The following AGBL1 variants were observed in gnomAD, a reference collection of about 807,000 sequenced individuals.
AGBL1 encodes cytosolic carboxypeptidase 4.
Under a neutral mutation model 118.9 loss-of-function variants are expected in AGBL1, and 130 were observed. That is an observed-to-expected ratio of 1.09 (90% CI 0.95 to 1.26). The LOEUF (loss-of-function observed/expected upper bound fraction) is 1.26. AGBL1 is among the 50% of genes most tolerant of loss of function. AGBL1 has a pLI of 0.00. For synonymous variants in AGBL1, 555 were observed against 478.9 expected, an observed-to-expected ratio of 1.16 and a Z score of -2.08; for missense variants, 1,584 against 1,298.1, an observed-to-expected ratio of 1.22 and a Z score of -3.38.
At chr15:86,870,184 G>A (rs1030204608) in intron 22 of AGBL1, among the ~76,000 whole-genome samples, 12 of 151,970 alleles carry the variant, frequency 7.9e-5, no homozygotes, top group Non-Finnish European at 1.5e-4. Flanking sequence ...ATTGGAAAAG[G>A]AAAGAAAAGG....
At chr15:86,218,345 A>G (rs2078223367) in intron 5 of AGBL1, among the ~76,000 whole-genome samples, 1 of 152,104 alleles carries the variant, frequency 6.6e-6, no homozygotes, top group Admixed American at 6.6e-5. Context: ...TGAAAAGGGG[A>G]CGTCTGGGGA....
At chr15:86,279,906 G>T in intron 16 of AGBL1, 123 bp downstream of exon 16, 1 of 1,300,834 alleles carries the variant, frequency 7.7e-7, no homozygotes, top group Non-Finnish European at 1.1e-6. Context: ...GGGAACTACA[G>T]CCTTCCTAAA....
At chr15:86,708,488 A>C (rs1302536927) in intron 22 of AGBL1, among the ~76,000 whole-genome samples, 9 of 152,120 alleles carry the variant, frequency 5.9e-5, no homozygotes, top group Non-Finnish European at 1.0e-4. Context: ...AAAGTGAGAA[A>C]ACAAATTGCT....
intron 21 of AGBL1, among the ~76,000 whole-genome samples, chr15:86,638,310 T>C (rs1163648541): frequency 6.6e-6 from 1 of 152,238 alleles, no homozygotes; most frequent in Admixed American, 6.5e-5. Flanking sequence ...AAATTTTCTA[T>C]GAATACTTCA....
At chr15:86,381,816 TGG>T (rs2081116770) in intron 17 of AGBL1, among the ~76,000 whole-genome samples, 1 of 151,714 alleles carries the variant, frequency 6.6e-6, no homozygotes, top group East Asian at 1.9e-4. Flanking sequence ...AATTGTACTG[TGG>T]GGGTGCAGGT....
intron 22 of AGBL1, among the ~76,000 whole-genome samples, chr15:86,760,386 C>A (rs1477264695): frequency 6.6e-6 from 1 of 152,068 alleles, no homozygotes; most frequent in Non-Finnish European, 1.5e-5. Context: ...CACCCGCATT[C>A]TCCTACTTGC....
chr15:86,143,372 G>T (rs1376710929), intron 2 of AGBL1, among the ~76,000 whole-genome samples: 1 of 152,114 alleles, frequency 6.6e-6, no homozygotes, highest in Non-Finnish European at 1.5e-5. Context: ...TTATTCAAAA[G>T]CCCATATGCA....
chr15:86,969,079 C>T (rs2081082271), intron 23 of AGBL1, among the ~76,000 whole-genome samples: 1 of 151,920 alleles, frequency 6.6e-6, no homozygotes, highest in East Asian at 1.9e-4. Context: ...AAATTTATGT[C>T]CTTCTCATAT....
At chr15:86,637,817 T>C (rs900346869) in intron 21 of AGBL1, among the ~76,000 whole-genome samples, 1 of 152,174 alleles carries the variant, frequency 6.6e-6, no homozygotes, top group South Asian at 2.1e-4. Context: ...TCATCTGAAC[T>C]TTGTCATGAG....
intron 21 of AGBL1, among the ~76,000 whole-genome samples, chr15:86,633,809 ATAATGTATG>A (rs796790355): frequency 0.042 from 232 of 5,516 alleles, no homozygotes; most frequent in Non-Finnish European, 0.078. Flanking sequence ...GTATATATAT[ATAATGTATG>A]TATATATATA....
At chr15:86,560,558 G>T (rs1370753587) in intron 21 of AGBL1, among the ~76,000 whole-genome samples, 1 of 152,144 alleles carries the variant, frequency 6.6e-6, no homozygotes, top group East Asian at 1.9e-4. Context: ...ATTTGGGTTG[G>T]TTCTAACTCT....
chr15:86,370,977 C>G (rs2080963620), intron 17 of AGBL1, among the ~76,000 whole-genome samples: 2 of 152,174 alleles, frequency 1.3e-5, no homozygotes, highest in African/African-American at 4.8e-5. Flanking sequence ...CAGAGCAGTG[C>G]TCAAGCTATA....
chr15:86,352,464 C>G (rs935790341), intron 17 of AGBL1, among the ~76,000 whole-genome samples: 1 of 151,534 alleles, frequency 6.6e-6, no homozygotes, highest in South Asian at 2.1e-4. Flanking sequence ...TCCTTGTCTC[C>G]TGTTACTTTT....
chr15:86,089,671 C>T (rs1053555399), intron 1 of AGBL1, among the ~76,000 whole-genome samples: 3 of 151,914 alleles, frequency 2.0e-5, no homozygotes, highest in East Asian at 1.9e-4. Context: ...TGCATGTTAA[C>T]ATTTCTAATC....
intron 18 of AGBL1, among the ~76,000 whole-genome samples, chr15:86,444,513 G>A (rs11636547): frequency 6.6e-6 from 1 of 152,298 alleles, no homozygotes; most frequent in Non-Finnish European, 1.5e-5. Context: ...GGTAGTGTGA[G>A]CCTAGGGCCA....
At position 86,708,121 on chromosome 15, in the gene AGBL1, T is replaced by C. The variant is rs76455587; in HGVS notation, c.3158+33685T>C. On this transcript the variant is annotated intron_variant, in intron 22 of 22. Transcript: ENST00000614907. ...AGTGACACAGGCATTAACACATGTA[T>C]ACTGCTTTTGGACTTAATCGTGCTC... Among the ~76,000 whole-genome samples, 1,361 of 152,254 alleles carry C rather than the reference T, an allele frequency of 8.9e-3. 18 individuals are homozygous for C. Among genetic ancestry groups the C allele is most frequent in the African/African-American group, 0.031 (1,283 of 41,574 alleles).
At chr15:86,809,313 T>C (rs2078758524) in intron 22 of AGBL1, among the ~76,000 whole-genome samples, 1 of 152,126 alleles carries the variant, frequency 6.6e-6, no homozygotes, top group Admixed American at 6.6e-5. Context: ...CAGACAAATA[T>C]GAGGTTAGGA....
intron 23 of AGBL1, among the ~76,000 whole-genome samples, chr15:86,958,082 G>T (rs1450714376): frequency 6.6e-6 from 1 of 151,796 alleles, no homozygotes; most frequent in Non-Finnish European, 1.5e-5. Context: ...TCATACAACT[G>T]TAGTCCCAGC....
In AGBL1 at chr15:86,556,252, G is replaced by A. The variant is rs755972253; in HGVS notation, c.2994+1715G>A. 8 of 1,613,322 alleles carry A rather than the reference G, an allele frequency of 5.0e-6. No homozygotes were observed. In the African/African-American group the frequency reaches 1.1e-4, roughly 22 times the overall value. ...CACAGAGGCTGTTGGAGAGGACAAA[G>A]AATGAAAGGGCTCACCCAGTGGATG... On this transcript the variant is annotated intron_variant, in intron 21 of 22. Coordinates refer to ENST00000614907, the MANE Select transcript of AGBL1 (RefSeq NM_001386094.1).
Sources: allele counts gnomAD v4.1 joint callset (sites outside exome capture counted in the v4.1 genomes callset), GRCh38; gene constraint gnomAD v4.1.1; transcripts MANE v1.5; gene names NCBI Gene and HGNC (gene_info 2026-07-23, HGNC 2026-07-21).